The following SAXO1 variants were observed in gnomAD, a reference collection of about 807,000 sequenced individuals.
The protein encoded by SAXO1 is stabilizer of axonemal microtubules 1, also known as 4930500O09Rik.
Under a neutral mutation model 17.5 loss-of-function variants are expected in SAXO1, and 21 were observed. That is an observed-to-expected ratio of 1.20 (90% CI 0.85 to 1.72). The LOEUF is 1.72. Among genes scored for constraint, SAXO1 ranks in the 40% most tolerant of loss-of-function variants. SAXO1 has a pLI of 0.00. For missense variants in SAXO1, 843 were observed against 596.0 expected (o/e 1.41, Z -4.32); for synonymous variants, 274 against 216.5 (o/e 1.27, Z -2.33).
At chr9:18,976,523 G>C (rs1474018945) in intron 1 of SAXO1, among the ~76,000 whole-genome samples, 1 of 152,202 alleles carries the variant, frequency 6.6e-6, no homozygotes, top group African/African-American at 2.4e-5. Context: ...TCTGCTTTAA[G>C]ATGCTGACTG....
chr9:18,951,018 G>C, intron 1 of SAXO1, 81 bp from the exon 2 acceptor site: 3 of 1,348,032 alleles, frequency 2.2e-6, no homozygotes, highest in East Asian at 4.7e-5. Flanking sequence ...CGCCAAATGT[G>C]ACTCAGACTG....
chr9:18,949,392 G>C (rs557355933), intron 2 of SAXO1, among the ~76,000 whole-genome samples: 1 of 152,110 alleles, frequency 6.6e-6, no homozygotes, highest in Non-Finnish European at 1.5e-5. Context: ...AGAAATTCGA[G>C]GCTGCACTGA....
At chr9:18,995,306 C>T (rs931805026) in intron 1 of SAXO1, among the ~76,000 whole-genome samples, 3 of 152,322 alleles carry the variant, frequency 2.0e-5, no homozygotes, top group Non-Finnish European at 4.4e-5. Flanking sequence ...CAGGCTGAAG[C>T]TGGCATCAGC....
In SAXO1 at chr9:18,928,764, G is replaced by C. The variant is rs754165202; in HGVS notation, c.713C>G (p.Thr238Ser). Residue 238 changes from threonine to serine, a missense_variant, in exon 4 of 4, where the codon ACC (threonine) becomes AGC (serine). Transcript: ENST00000380534. ...RPCEIPFESL[T>S]TQKQSYRGLM... ...GCCCCGGTAGGATTGTTTTTGAGTGGTAAGGCTTTCAAAGGGGATTTCACA... is the reference window on the plus strand; with the variant it reads ...GCCCCGGTAGGATTGTTTTTGAGTGCTAAGGCTTTCAAAGGGGATTTCACA... The C allele has an allele frequency of 9.9e-6, 16 of 1,614,152 alleles. No homozygotes were observed. Among genetic ancestry groups the C allele is most frequent in the Non-Finnish European group, 1.4e-5 (16 of 1,180,040 alleles).
At chr9:18,962,758 G>A (rs921165494) in intron 1 of SAXO1, among the ~76,000 whole-genome samples, 3 of 152,204 alleles carry the variant, frequency 2.0e-5, no homozygotes, top group Admixed American at 2.0e-4. Flanking sequence ...TAGGTTGCCT[G>A]TTCACTCTAA....
chr9:18,985,891 C>T (rs907786827), intron 1 of SAXO1, among the ~76,000 whole-genome samples: 4 of 152,188 alleles, frequency 2.6e-5, no homozygotes, highest in Admixed American at 6.5e-5. Context: ...GTATGTCTAA[C>T]GTGTCAATAA....
intron 3 of SAXO1, among the ~76,000 whole-genome samples, chr9:18,933,916 G>C (rs1831171855): frequency 6.6e-6 from 1 of 152,106 alleles, no homozygotes; most frequent in Non-Finnish European, 1.5e-5. Context: ...CGTAGTGGCG[G>C]GCGCCTGTAG....
chr9:18,980,440 C>G (rs1833325636), intron 1 of SAXO1, among the ~76,000 whole-genome samples: 1 of 149,700 alleles, frequency 6.7e-6, no homozygotes, highest in Non-Finnish European at 1.5e-5. Flanking sequence ...CCTCCAGACT[C>G]ACCAAAACTG....
chr9:19,033,874 T>C (rs1400290958), upstream of SAXO1, among the ~76,000 whole-genome samples: 1 of 152,200 alleles, frequency 6.6e-6, no homozygotes, highest in Admixed American at 6.5e-5. Flanking sequence ...CAGGTAATGC[T>C]GGTTCTGCTG....
At chr9:19,007,570 TAGGTAA>T (rs1261523015) in intron 1 of SAXO1, among the ~76,000 whole-genome samples, 12 of 152,318 alleles carry the variant, frequency 7.9e-5, no homozygotes, top group African/African-American at 2.9e-4. Context: ...AGTTTTACCC[TAGGTAA>T]CCAACTTCTG....
chr9:18,966,006 T>C (rs947927068), intron 1 of SAXO1, among the ~76,000 whole-genome samples: 1 of 152,242 alleles, frequency 6.6e-6, no homozygotes, highest in Non-Finnish European at 1.5e-5. Flanking sequence ...CTTATGAAGC[T>C]TAGTTTGGCT....
upstream of SAXO1, among the ~76,000 whole-genome samples, chr9:19,036,553 G>A (rs1835945061): frequency 6.6e-6 from 1 of 152,110 alleles, no homozygotes. Context: ...GGCTGAAAGG[G>A]GCCAACATAG....
chr9:19,044,658 C>G (rs906855838), intron 1 of SAXO1, among the ~76,000 whole-genome samples: 3 of 151,590 alleles, frequency 2.0e-5, no homozygotes, highest in Non-Finnish European at 4.4e-5. Context: ...GTCAGAAGAT[C>G]GAGACCATCC....
chr9:18,969,653 C>T (rs575698004), intron 1 of SAXO1, among the ~76,000 whole-genome samples: 1 of 152,332 alleles, frequency 6.6e-6, no homozygotes, highest in South Asian at 2.1e-4. Context: ...ATCTTGTTCA[C>T]TATTATATAA....
chr9:18,993,961 GA>G (rs1833910682), intron 1 of SAXO1, among the ~76,000 whole-genome samples: 1 of 152,258 alleles, frequency 6.6e-6, no homozygotes, highest in East Asian at 1.9e-4. Context: ...TCAAGAGGTT[GA>G]AAAGAAAGGC....
At chr9:19,030,237 C>G (rs1283426163) in intron 1 of SAXO1, among the ~76,000 whole-genome samples, 5 of 151,882 alleles carry the variant, frequency 3.3e-5, no homozygotes, top group African/African-American at 1.2e-4. Context: ...GAAACCTGAT[C>G]CAATTCAAGG....
intron 1 of SAXO1, among the ~76,000 whole-genome samples, chr9:18,991,587 G>C (rs1057095571): frequency 6.6e-6 from 1 of 152,170 alleles, no homozygotes; most frequent in Middle Eastern, 3.4e-3. Flanking sequence ...AAAGGGGGAG[G>C]GATAGCATTA....
chr9:19,035,019 A>C (rs1347423772), upstream of SAXO1, among the ~76,000 whole-genome samples: 1 of 152,220 alleles, frequency 6.6e-6, no homozygotes. Flanking sequence ...AAAGATGAAG[A>C]TGGTGTGGAC....
At chr9:19,032,451 G>C (rs1420719026) in intron 1 of SAXO1, among the ~76,000 whole-genome samples, 6 of 152,324 alleles carry the variant, frequency 3.9e-5, no homozygotes, top group Admixed American at 3.9e-4. Context: ...ATACTTCTCT[G>C]ACAAAGTAAC....
Sources: allele counts gnomAD v4.1 joint callset (sites outside exome capture counted in the v4.1 genomes callset), GRCh38; gene constraint gnomAD v4.1.1; transcripts MANE v1.5; gene names NCBI Gene and HGNC (gene_info 2026-07-23, HGNC 2026-07-21).